The following ENOX1 variants were observed in gnomAD, a reference collection of about 807,000 sequenced individuals.
The protein encoded by ENOX1 is candidate growth-related and time keeping constitutive hydroquinone (NADH) oxidase.
In ENOX1, 42 loss-of-function variants were observed where a neutral mutation model predicts 82.5. The ratio of observed to expected loss-of-function variants is 0.51; its 90% CI spans 0.40 to 0.66. ENOX1 has a LOEUF of 0.66. Ranked by LOEUF, ENOX1 falls within the 30% of genes least tolerant of loss-of-function variation. The pLI, the probability that ENOX1 is intolerant of heterozygous loss-of-function variation, is 0.00. For missense variants in ENOX1, 608 were observed against 811.6 expected (o/e 0.75, Z 3.05); for synonymous variants, 271 against 282.2 (o/e 0.96, Z 0.40).
intron 2 of ENOX1, among the ~76,000 whole-genome samples, chr13:43,493,477 C>A (rs1287964682): frequency 1.3e-5 from 2 of 152,200 alleles, no homozygotes; most frequent in African/African-American, 4.8e-5. Flanking sequence ...AGAGTCTGGA[C>A]TTCTGATATC....
Position 43,519,054 on chromosome 13 carries a change from GCCTGGGGAT to G in ENOX1, c.-218-34911_-218-34903del, listed in dbSNP as rs372522917. Reference sequence around the variant, plus strand: ...TGTTTCCTTTCTACAGTATGTGAAAGCCTGGGGATCCAGAGAGCATGGATAGAGAACAAC... The same window carrying G: ...TGTTTCCTTTCTACAGTATGTGAAAGCCAGAGAGCATGGATAGAGAACAAC... On this transcript the variant is annotated intron_variant, in intron 2 of 16. Transcript: ENST00000690772. Among the ~76,000 whole-genome samples, 1,076 of 152,250 alleles carry G rather than the reference GCCTGGGGAT, an allele frequency of 7.1e-3. 9 individuals are homozygous for G. The highest frequency in any genetic ancestry group is 0.024 in the African/African-American group (993 of 41,552).
intron 2 of ENOX1, among the ~76,000 whole-genome samples, chr13:43,664,153 T>C (rs966331407): frequency 6.6e-6 from 1 of 152,022 alleles, no homozygotes; most frequent in Non-Finnish European, 1.5e-5. Flanking sequence ...AAACTTACCA[T>C]GTTAATTATT....
At chr13:43,406,456 A>T (rs1001291639) in intron 5 of ENOX1, among the ~76,000 whole-genome samples, 3 of 150,954 alleles carry the variant, frequency 2.0e-5, no homozygotes, top group African/African-American at 7.3e-5. Flanking sequence ...CTGATAAAGG[A>T]TGTGGCTCTA....
At chr13:43,747,136 G>A (rs913645190) in intron 1 of ENOX1, among the ~76,000 whole-genome samples, 8 of 152,040 alleles carry the variant, frequency 5.3e-5, no homozygotes, top group Admixed American at 1.3e-4. Context: ...ATCACAACCC[G>A]TACCACTTCA....
At chr13:43,305,548 G>T (rs1337355950) in intron 11 of ENOX1, among the ~76,000 whole-genome samples, 2 of 143,282 alleles carry the variant, frequency 1.4e-5, no homozygotes, top group Non-Finnish European at 3.2e-5. Context: ...ACAATGGGCA[G>T]CAGGTGACTC....
chr13:43,270,760 T>TG (rs1165930763), intron 12 of ENOX1, among the ~76,000 whole-genome samples: 2 of 152,234 alleles, frequency 1.3e-5, no homozygotes, highest in Non-Finnish European at 2.9e-5. Flanking sequence ...ACTTTGGTCC[T>TG]GTAGCATAAA....
At chr13:43,459,927 G>A (rs1478271485) in intron 3 of ENOX1, among the ~76,000 whole-genome samples, 1 of 152,188 alleles carries the variant, frequency 6.6e-6, no homozygotes, top group Non-Finnish European at 1.5e-5. Context: ...CTGGGAGGCA[G>A]AGGTTGCAGT....
At chr13:43,299,621 C>T (rs1268343869) in intron 11 of ENOX1, among the ~76,000 whole-genome samples, 1 of 152,172 alleles carries the variant, frequency 6.6e-6, no homozygotes, top group African/African-American at 2.4e-5. Context: ...ACCATCGGTC[C>T]ATGTGTTTAG....
chr13:43,283,739 C>T (rs1039313556), intron 12 of ENOX1, among the ~76,000 whole-genome samples: 1 of 151,762 alleles, frequency 6.6e-6, no homozygotes. Context: ...GTGTTAGCAA[C>T]TGTACCTGGC....
chr13:43,514,645 T>A (rs1221084718), intron 2 of ENOX1, among the ~76,000 whole-genome samples: 1 of 152,158 alleles, frequency 6.6e-6, no homozygotes, highest in African/African-American at 2.4e-5. Flanking sequence ...TCTTCCATAC[T>A]CAGTTGTCTA....
intron 2 of ENOX1, among the ~76,000 whole-genome samples, chr13:43,565,960 T>G (rs2079900000): frequency 2.0e-5 from 3 of 152,180 alleles, no homozygotes; most frequent in Non-Finnish European, 2.9e-5. Context: ...TTAACGAGAT[T>G]TTTCTATTTG....
chr13:43,307,598 C>T (rs1237913159), intron 11 of ENOX1, among the ~76,000 whole-genome samples: 1 of 152,200 alleles, frequency 6.6e-6, no homozygotes, highest in Non-Finnish European at 1.5e-5. Flanking sequence ...ACCTTCTCTC[C>T]TGCTTTTACA....
intron 1 of ENOX1, among the ~76,000 whole-genome samples, chr13:43,759,355 C>T (rs1950835481): frequency 6.6e-6 from 1 of 152,144 alleles, no homozygotes; most frequent in African/African-American, 2.4e-5. Context: ...GCCTCAGCCT[C>T]CCAAAGTTCT....
chr13:43,715,844 TG>T (rs1372004266), intron 1 of ENOX1, among the ~76,000 whole-genome samples: 1 of 152,162 alleles, frequency 6.6e-6, no homozygotes, highest in Non-Finnish European at 1.5e-5. Context: ...TTCTCTGCAT[TG>T]GTTTTTCTAG....
At chr13:43,697,536 G>C (rs1366177362) in intron 1 of ENOX1, among the ~76,000 whole-genome samples, 1 of 152,160 alleles carries the variant, frequency 6.6e-6, no homozygotes, top group Admixed American at 6.5e-5. Context: ...GTTTAATCTA[G>C]AAAGTCAGGC....
At chr13:43,469,099 T>C (rs1280621481) in intron 3 of ENOX1, among the ~76,000 whole-genome samples, 1 of 152,144 alleles carries the variant, frequency 6.6e-6, no homozygotes, top group Non-Finnish European at 1.5e-5. Flanking sequence ...GTAATGTTAG[T>C]TGTGGGTTTT....
intron 14 of ENOX1, among the ~76,000 whole-genome samples, chr13:43,263,914 A>C (rs1351323707): frequency 1.3e-5 from 2 of 151,942 alleles, no homozygotes; most frequent in African/African-American, 4.8e-5. Flanking sequence ...TAGGGTAAGG[A>C]TGAGGGTCAT....
chr13:43,405,119 C>G (rs1377052136), intron 5 of ENOX1, among the ~76,000 whole-genome samples: 1 of 152,178 alleles, frequency 6.6e-6, no homozygotes, highest in Non-Finnish European at 1.5e-5. Context: ...TATCAACAGA[C>G]AGTCCTGAGT....
intron 3 of ENOX1, among the ~76,000 whole-genome samples, chr13:43,428,480 C>A (rs879427284): frequency 4.6e-5 from 7 of 152,192 alleles, no homozygotes; most frequent in Non-Finnish European, 8.8e-5. Flanking sequence ...ATCATCCACA[C>A]CCTCACCACA....
Sources: gnomAD v4.1 joint callset for allele counts (sites outside exome capture counted in the v4.1 genomes callset) on GRCh38, gnomAD v4.1.1 for gene constraint, MANE v1.5 for transcripts, NCBI Gene and HGNC (gene_info 2026-07-23, HGNC 2026-07-21) for gene names.